SHROOM2: variants seen among roughly 807,000 people sequenced by gnomAD.
The protein encoded by SHROOM2 is shroom family member 2.
In SHROOM2, 33 loss-of-function variants were observed where a neutral mutation model predicts 75.9. The observed-to-expected ratio is 0.43, with a 90% CI of 0.33 to 0.58. The LOEUF (loss-of-function observed/expected upper bound fraction) is 0.58. Ranked by LOEUF, SHROOM2 falls within the 20% of genes least tolerant of loss-of-function variation. The pLI is 0.04. For synonymous variants in SHROOM2, 655 were observed against 663.6 expected (o/e 0.99, Z 0.20); for missense variants, 1,434 against 1,461.2 (o/e 0.98, Z 0.30).
At chrX:9,898,039 T>G (rs2084344066) in intron 4 of SHROOM2, 151 bp from the exon 5 acceptor site, 1 of 504,973 alleles carries the variant, frequency 2.0e-6, no homozygotes, top group Non-Finnish European at 3.6e-6. Flanking sequence ...AGAACAGAAG[T>G]GGACGTGGGG....
At chrX:9,869,372 G>A (rs1181009194) in intron 1 of SHROOM2, among the ~76,000 whole-genome samples, 1 of 112,523 alleles carries the variant, frequency 8.9e-6, no homozygotes, top group Non-Finnish European at 1.9e-5. Context: ...GATGTGTTAA[G>A]TACATTTACA....
chrX:9,911,211 G>GTT (rs760313929), intron 5 of SHROOM2, among the ~76,000 whole-genome samples: 35 of 111,767 alleles, frequency 3.1e-4, no homozygotes, highest in Non-Finnish European at 5.6e-4. Flanking sequence ...GCCTCTCAGT[G>GTT]TAAGTGTGTC....
rs2084320493 is a variant in SHROOM2, at chrX:9,895,317, T to TG, written c.1413dup (p.Ser472GlufsTer27). 1 of 1,172,242 alleles carries TG rather than the reference T, an allele frequency of 8.5e-7. No homozygotes were observed. The highest frequency in any genetic ancestry group is 1.1e-6 in the Non-Finnish European group (1 of 876,545). On this transcript the variant is annotated frameshift_variant, in exon 4 of 10. Transcript: ENST00000380913. LOFTEE classifies it high-confidence loss of function. ...GGGCTCAGCAGCTGTGACCAGAAGC[T>TG]GGGGAGCGGCTGGCAGGGTCCCCGG...
At chrX:9,788,454 T>A (rs1251482382) in intron 1 of SHROOM2, among the ~76,000 whole-genome samples, 1 of 111,472 alleles carries the variant, frequency 9.0e-6, no homozygotes, top group African/African-American at 3.3e-5. Context: ...GGAGTGCGTG[T>A]AGTAGAACTG....
intron 1 of SHROOM2, among the ~76,000 whole-genome samples, chrX:9,831,830 G>T (rs1317652406): frequency 9.0e-6 from 1 of 110,766 alleles, no homozygotes; most frequent in Non-Finnish European, 1.9e-5. Context: ...GCTCTCTGGG[G>T]TCCCTTTAAT....
At chrX:9,807,862 G>A (rs749386489) in intron 1 of SHROOM2, among the ~76,000 whole-genome samples, 3 of 111,568 alleles carry the variant, frequency 2.7e-5, no homozygotes, top group Non-Finnish European at 5.6e-5. Flanking sequence ...TAACTTGACT[G>A]CTTCTGAAGT....
At chrX:9,893,040 C>T (rs1304869567) in intron 3 of SHROOM2, among the ~76,000 whole-genome samples, 1 of 112,207 alleles carries the variant, frequency 8.9e-6, no homozygotes, top group Non-Finnish European at 1.9e-5. Flanking sequence ...GTGTGAGTGT[C>T]AATAACTCTG....
intron 1 of SHROOM2, among the ~76,000 whole-genome samples, chrX:9,827,223 C>CTTTTTCTT (rs775170980): frequency 1.2e-4 from 7 of 60,153 alleles, no homozygotes; most frequent in South Asian, 7.3e-4. Flanking sequence ...TTTTCTTTTT[C>CTTTTTCTT]TTTTTTTTTT....
chrX:9,808,110 C>T (rs1054024439), intron 1 of SHROOM2, among the ~76,000 whole-genome samples: 35 of 111,427 alleles, frequency 3.1e-4, no homozygotes, highest in African/African-American at 9.8e-4. Context: ...TTCCGATCTC[C>T]GGTGTTTGAG....
At chrX:9,868,338 C>G (rs1051458296) in intron 1 of SHROOM2, among the ~76,000 whole-genome samples, 1 of 109,246 alleles carries the variant, frequency 9.2e-6, no homozygotes, top group African/African-American at 3.3e-5. Context: ...CTCCACCTTC[C>G]GGGTTCAAGC....
chrX:9,894,073 C>T (rs1224777448), intron 3 of SHROOM2, among the ~76,000 whole-genome samples: 2 of 110,195 alleles, frequency 1.8e-5, no homozygotes, highest in African/African-American at 6.6e-5. Context: ...GCCAACGATC[C>T]GGGCATCAGG....
chrX:9,848,270 C>T lies in SHROOM2; in HGVS notation c.166-25382C>T, dbSNP rs1253126104. ...CTGTAATCCCAGCACTTTGGGAGGC[C>T]GAGGCGGGTGGATCATGAGGTCAGG... On this transcript the variant is annotated intron_variant, in intron 1 of 9. Coordinates refer to ENST00000380913, the MANE Select transcript of SHROOM2 (RefSeq NM_001649.4). Among the ~76,000 whole-genome samples the T allele has an allele frequency of 2.8e-5, 3 of 107,368 alleles. 1 individual carries two copies. In the East Asian group the frequency reaches 8.7e-4, roughly 31 times the overall value. 93.2% of individuals were successfully genotyped at this position (107,368 alleles called of 115,157 possible).
At chrX:9,906,245 G>A (rs1162219006) in intron 5 of SHROOM2, among the ~76,000 whole-genome samples, 1 of 111,828 alleles carries the variant, frequency 8.9e-6, no homozygotes, top group African/African-American at 3.2e-5. Flanking sequence ...CACATCCGTA[G>A]ATAGAAAGTA....
At chrX:9,823,053 CCTCCTCCTCCTCCTCCTCCTCCCTT>C (rs2083863864) in intron 1 of SHROOM2, among the ~76,000 whole-genome samples, 2 of 30,458 alleles carry the variant, frequency 6.6e-5, no homozygotes, top group Non-Finnish European at 1.4e-4. Flanking sequence ...TCCTCCTCCT[CCTCCTCCTCCTCCTCCTCCTCCCTT>C]CTCCCTTCTC....
intron 1 of SHROOM2, among the ~76,000 whole-genome samples, chrX:9,825,321 C>G (rs2083882192): frequency 8.9e-6 from 1 of 112,289 alleles, no homozygotes; most frequent in Admixed American, 9.4e-5. Flanking sequence ...AGTAGAGGCC[C>G]TGTTTACTAT....
intron 1 of SHROOM2, among the ~76,000 whole-genome samples, chrX:9,788,363 T>C (rs920798209): frequency 2.7e-5 from 3 of 111,444 alleles, no homozygotes; most frequent in African/African-American, 9.8e-5. Context: ...TTTAGCAGAC[T>C]CTGATTTGGG....
At chrX:9,790,140 G>T (rs1262180158) in intron 1 of SHROOM2, among the ~76,000 whole-genome samples, 1 of 112,246 alleles carries the variant, frequency 8.9e-6, no homozygotes, top group Non-Finnish European at 1.9e-5. Context: ...TAAAGTGTTA[G>T]CTGAGTCCTT....
At chrX:9,845,304 A>C (rs2084000254) in intron 1 of SHROOM2, among the ~76,000 whole-genome samples, 1 of 111,972 alleles carries the variant, frequency 8.9e-6, no homozygotes, top group African/African-American at 3.2e-5. Flanking sequence ...TTTATGGGGC[A>C]CTGACTCTGT....
intron 1 of SHROOM2, among the ~76,000 whole-genome samples, chrX:9,792,141 G>GAATAGAATAGAATAGAATA (rs2083665869): frequency 3.8e-5 from 1 of 26,170 alleles, no homozygotes; most frequent in Non-Finnish European, 9.6e-5. Flanking sequence ...GAATAGAATA[G>GAATAGAATAGAATAGAATA]AATAGAATAG....
Sources: allele counts gnomAD v4.1 joint callset (sites outside exome capture counted in the v4.1 genomes callset), GRCh38; gene constraint gnomAD v4.1.1; transcripts MANE v1.5; gene names NCBI Gene and HGNC (gene_info 2026-07-23, HGNC 2026-07-21).